Variants in CDYL2 observed in about 807,000 individuals in gnomAD.
The protein encoded by CDYL2 is chromodomain Y like 2.
A neutral mutation model predicts 49.4 loss-of-function variants in CDYL2; 23 were observed. The observed-to-expected ratio is 0.47, with a 90% CI of 0.34 to 0.66. The LOEUF is 0.66. CDYL2 is among the 30% of genes least tolerant of loss of function. The pLI is 0.01. For missense variants in CDYL2, 678 were observed against 656.4 expected, an observed-to-expected ratio of 1.03 and a Z score of -0.36; for synonymous variants, 360 against 268.8, an observed-to-expected ratio of 1.34 and a Z score of -3.32.
At chr16:80,708,805 G>A (rs1403084293) in intron 1 of CDYL2, among the ~76,000 whole-genome samples, 1 of 152,116 alleles carries the variant, frequency 6.6e-6, no homozygotes, top group Non-Finnish European at 1.5e-5. Flanking sequence ...TGTAGTTCAG[G>A]TTGTTCTCAG....
chr16:80,733,607 A>G (rs1320419378), intron 1 of CDYL2, among the ~76,000 whole-genome samples: 1 of 152,162 alleles, frequency 6.6e-6, no homozygotes, highest in East Asian at 1.9e-4. Flanking sequence ...GAGGAAATGA[A>G]GTATCTTGGA....
intron 2 of CDYL2, among the ~76,000 whole-genome samples, chr16:80,635,951 C>A (rs188806574): frequency 0.01 from 1,584 of 152,268 alleles, 33 homozygotes; most frequent in African/African-American, 0.036. Context: ...CTGACAAAAA[C>A]AAGCAATGGG....
intron 1 of CDYL2, among the ~76,000 whole-genome samples, chr16:80,728,225 G>C (rs902448217): frequency 6.6e-5 from 10 of 152,086 alleles, no homozygotes; most frequent in Non-Finnish European, 1.5e-4. Context: ...TGTATAACTA[G>C]AATAACCAAT....
chr16:80,617,529 T>C (rs1485230957), intron 4 of CDYL2, among the ~76,000 whole-genome samples: 1 of 152,190 alleles, frequency 6.6e-6, no homozygotes, highest in African/African-American at 2.4e-5. Flanking sequence ...AAACGTTCTG[T>C]GCAGAATGCT....
intron 3 of CDYL2, among the ~76,000 whole-genome samples, chr16:80,630,989 C>T (rs191996231): frequency 6.6e-6 from 1 of 152,222 alleles, no homozygotes; most frequent in East Asian, 1.9e-4. Context: ...CATTAACCTC[C>T]CATTGCTATT....
At chr16:80,676,206 G>A (rs1909736377) in intron 2 of CDYL2, among the ~76,000 whole-genome samples, 1 of 152,190 alleles carries the variant, frequency 6.6e-6, no homozygotes, top group Admixed American at 6.5e-5. Context: ...TAGTTCATTA[G>A]CACACCTTCC....
intron 1 of CDYL2, among the ~76,000 whole-genome samples, chr16:80,745,958 G>A (rs535976646): frequency 2.6e-5 from 4 of 152,304 alleles, no homozygotes; most frequent in African/African-American, 9.6e-5. Flanking sequence ...GTGACTGTCA[G>A]GATACCCCCT....
At chr16:80,640,448 G>A (rs954852817) in intron 2 of CDYL2, among the ~76,000 whole-genome samples, 4 of 152,080 alleles carry the variant, frequency 2.6e-5, no homozygotes, top group African/African-American at 7.2e-5. Flanking sequence ...GAGGGCCTTG[G>A]GTAAGACTCC....
intron 1 of CDYL2, among the ~76,000 whole-genome samples, chr16:80,790,787 G>C: frequency 6.6e-6 from 1 of 152,150 alleles, no homozygotes; most frequent in South Asian, 2.1e-4. Context: ...TTGATCACCA[G>C]GAGAGCTAAA....
intron 2 of CDYL2, among the ~76,000 whole-genome samples, chr16:80,682,031 G>A (rs1296449248): frequency 6.6e-6 from 1 of 152,180 alleles, no homozygotes; most frequent in Non-Finnish European, 1.5e-5. Context: ...GAGTCACCCA[G>A]GAAGTTTGTT....
chr16:80,607,415 T>C (rs1906388325), intron 6 of CDYL2, among the ~76,000 whole-genome samples: 2 of 152,150 alleles, frequency 1.3e-5, no homozygotes, highest in Admixed American at 1.3e-4. Flanking sequence ...AGCTCCCTGT[T>C]TCTCAAGCAC....
At chr16:80,792,745 C>T (rs1301105346) in intron 1 of CDYL2, among the ~76,000 whole-genome samples, 2 of 152,128 alleles carry the variant, frequency 1.3e-5, no homozygotes, top group African/African-American at 4.8e-5. Flanking sequence ...GGTCGATGTG[C>T]CCATCCCCAC....
At chr16:80,639,845 T>C (rs1329396223) in intron 2 of CDYL2, 1 of 400,992 alleles carries the variant, frequency 2.5e-6, no homozygotes, top group East Asian at 7.4e-5. Flanking sequence ...TTGAACTCAC[T>C]GTTGTCCTGT....
intron 2 of CDYL2, among the ~76,000 whole-genome samples, chr16:80,643,494 G>A (rs902059172): frequency 6.6e-6 from 1 of 152,236 alleles, no homozygotes; most frequent in African/African-American, 2.4e-5. Context: ...TGTGGGGGCG[G>A]TGAGCCCATA....
chr16:80,702,303 T>G (rs550550487), intron 1 of CDYL2, among the ~76,000 whole-genome samples: 1 of 152,066 alleles, frequency 6.6e-6, no homozygotes, highest in East Asian at 1.9e-4. Flanking sequence ...TTCAAAATAA[T>G]ATTTTGCTCA....
At chr16:80,700,705 GA>G (rs1349711403) in intron 1 of CDYL2, among the ~76,000 whole-genome samples, 1 of 152,172 alleles carries the variant, frequency 6.6e-6, no homozygotes, top group Non-Finnish European at 1.5e-5. Flanking sequence ...TATGTAAATG[GA>G]TATACCCTTT....
In CDYL2 at chr16:80,608,131, G is replaced by A. The variant is rs116435329; in HGVS notation, c.1323C>T (p.Val441=). The part of the protein sequence containing the change: ...VFWPTTFSQE[V]MLRVKEMASC... The stretch of plus-strand genomic sequence containing the variant: ...ATGCCATCTCCTTGACCCGCAGCAT[G>A]ACCTCCTGGCTGAACGTGGTGGGCC... The change falls in exon 6 of 7, where the codon GTC becomes GTT. Residue 441 remains valine, a synonymous_variant. Transcript: ENST00000570137. 685 of 1,604,876 alleles carry A rather than the reference G, an allele frequency of 4.3e-4. 5 individuals are homozygous for A. The African/African-American group carries it at 8.3e-3, about 19-fold the overall frequency.
At position 80,603,316 on chromosome 16, in the gene CDYL2, AT is replaced by A. The variant is rs1455230655; in HGVS notation, c.*1071del. On this transcript the variant is annotated 3_prime_UTR_variant, in exon 7 of 7. Transcript: ENST00000570137. Reference sequence around the variant, plus strand: ...GGGCCTATCCCCACTCCTGCCCAACATCACGCAATTTGGGACTGGGTCTGTT... The same window carrying A: ...GGGCCTATCCCCACTCCTGCCCAACACACGCAATTTGGGACTGGGTCTGTT... 1 of 152,180 alleles carries A rather than the reference AT, an allele frequency of 6.6e-6. No individual in the cohort carries two copies. The highest frequency in any genetic ancestry group is 1.5e-5 in the Non-Finnish European group (1 of 68,048). The allele number at this position is 152,180 out of a possible 1,614,324, so 9.4% of individuals were successfully genotyped here. A position where few individuals can be genotyped will look rare whatever the true frequency, so the allele number is the denominator to read the frequency against.
rs767400567 is a variant in CDYL2, at chr16:80,620,891, G to A, written c.879C>T (p.Asp293=). The A allele has an allele frequency of 1.5e-5, 24 of 1,610,878 alleles. No individual in the cohort carries two copies. The highest frequency in any genetic ancestry group is 1.7e-4 in the Middle Eastern group (1 of 5,968). Residue 293 remains aspartate (D), a synonymous_variant, in exon 4 of 7, where the codon GAC becomes GAT. Coordinates refer to ENST00000570137, the MANE Select transcript of CDYL2 (RefSeq NM_152342.4). ...VRRALCNAAT[D]DSKLLLLSAV... ...CGCTGAGGAGCAGCAGTTTGCTGTCGTCTGTGGCTGCGTTGCAGAGCGCTC... is the reference window on the plus strand; with the variant it reads ...CGCTGAGGAGCAGCAGTTTGCTGTCATCTGTGGCTGCGTTGCAGAGCGCTC...
Sources: allele counts gnomAD v4.1 joint callset (sites outside exome capture counted in the v4.1 genomes callset), GRCh38; gene constraint gnomAD v4.1.1; transcripts MANE v1.5; gene names NCBI Gene and HGNC (gene_info 2026-07-23, HGNC 2026-07-21).